The following PAGE2B variants were observed in gnomAD, a reference collection of about 807,000 sequenced individuals.
PAGE2B encodes PAGE family member 2B.
A neutral mutation model predicts 7.6 loss-of-function variants in PAGE2B; 5 were observed. The ratio of observed to expected loss-of-function variants is 0.66; its 90% CI spans 0.34 to 1.38. PAGE2B has a LOEUF of 1.38. Ranked by LOEUF, PAGE2B falls within the 40% of genes most tolerant of loss-of-function variation. The pLI is 0.04. For missense variants in PAGE2B, 70 were observed against 78.4 expected (o/e 0.89, Z 0.41); for synonymous variants, 29 against 26.7 (o/e 1.09, Z -0.27).
intron 2 of PAGE2B, 136 bp from the exon 3 acceptor site, chrX:55,076,433 T>A: frequency 1.7e-6 from 1 of 587,219 alleles, no homozygotes; most frequent in Non-Finnish European, 2.6e-6. Context: ...TGTATGTATA[T>A]ATACATATAT....
chrX:55,045,954 T>C, the PAGE2B span, among the ~76,000 whole-genome samples: 12 of 111,346 alleles, frequency 1.1e-4, no homozygotes, highest in Non-Finnish European at 1.1e-4. Flanking sequence ...AAGTCTGTCC[T>C]TGAAGGGCTC....
the PAGE2B span, among the ~76,000 whole-genome samples, chrX:55,060,808 A>AT: frequency 1.8e-5 from 2 of 108,972 alleles, no homozygotes; most frequent in Non-Finnish European, 3.8e-5. Flanking sequence ...TTTTGTGTGT[A>AT]TTTTTTTTGT....
chrX:55,047,573 G>T, the PAGE2B span, among the ~76,000 whole-genome samples: 1 of 111,636 alleles, frequency 9.0e-6, no homozygotes, highest in African/African-American at 3.3e-5. Flanking sequence ...ATCCTCTCCA[G>T]CACCTGTTGT....
At chrX:55,076,162 AATTT>A (rs1936510769) in intron 2 of PAGE2B, 37 bp downstream of exon 2, 1 of 1,173,709 alleles carries the variant, frequency 8.5e-7, no homozygotes, top group African/African-American at 1.8e-5. Context: ...CTATTAACAC[AATTT>A]ATTTTAAGAA....
At chrX:55,068,011 G>C in the PAGE2B span, among the ~76,000 whole-genome samples, 1 of 112,274 alleles carries the variant, frequency 8.9e-6, no homozygotes, top group Non-Finnish European at 1.9e-5. Flanking sequence ...TAGGTTGCCT[G>C]TTCACTCTGA....
chrX:55,067,530 T>C, the PAGE2B span, among the ~76,000 whole-genome samples: 1 of 111,706 alleles, frequency 9.0e-6, no homozygotes, highest in South Asian at 3.8e-4. Flanking sequence ...GCATGTGTCT[T>C]TATAGTAGAA....
chrX:55,051,504 A>G, the PAGE2B span, among the ~76,000 whole-genome samples: 2 of 111,162 alleles, frequency 1.8e-5, no homozygotes, highest in Non-Finnish European at 3.8e-5. Flanking sequence ...GGCTTTGTTC[A>G]TTTCTTTTTA....
In PAGE2B at chrX:55,076,142, T is replaced by C; in HGVS notation, c.84+17T>C. On this transcript the variant is annotated intron_variant, in intron 2 of 4. Transcript: ENST00000374971. The stretch of plus-strand genomic sequence containing the variant: ...TCTGTGATTGTGAGTCCTTTAACAT[T>C]TGATGTTTCCTATTAACACAATTTA... 1 of 1,192,640 alleles carries C rather than the reference T, an allele frequency of 8.4e-7. No homozygotes were observed. Among genetic ancestry groups the C allele is most frequent in the Non-Finnish European group, 1.1e-6 (1 of 879,877 alleles).
the PAGE2B span, among the ~76,000 whole-genome samples, chrX:55,056,651 G>A: frequency 1.8e-5 from 2 of 110,583 alleles, no homozygotes; most frequent in African/African-American, 3.3e-5. Flanking sequence ...GATGGGGAAG[G>A]GTTCCAGCAA....
At chrX:55,052,054 TG>T in the PAGE2B span, among the ~76,000 whole-genome samples, 1 of 112,376 alleles carries the variant, frequency 8.9e-6, no homozygotes, top group African/African-American at 3.2e-5. Flanking sequence ...GCAGGTCTTT[TG>T]GAGTTTACTG....
upstream of PAGE2B, among the ~76,000 whole-genome samples, chrX:55,073,564 C>G (rs1164685091): frequency 8.9e-6 from 1 of 112,000 alleles, no homozygotes; most frequent in African/African-American, 3.2e-5. Flanking sequence ...CTTCTAATTC[C>G]GTGAAGAATG....
At chrX:55,028,684 T>G in the PAGE2B span, among the ~76,000 whole-genome samples, 1 of 111,763 alleles carries the variant, frequency 8.9e-6, no homozygotes, top group Non-Finnish European at 1.9e-5. Flanking sequence ...CTGTTACTCC[T>G]TTCCTGAAAT....
chrX:55,029,519 T>G, the PAGE2B span, among the ~76,000 whole-genome samples: 2 of 111,732 alleles, frequency 1.8e-5, no homozygotes, highest in Non-Finnish European at 3.8e-5. Flanking sequence ...GGATCTGTGA[T>G]TCAAATATTA....
At chrX:55,028,891 G>T in the PAGE2B span, among the ~76,000 whole-genome samples, 2 of 111,366 alleles carry the variant, frequency 1.8e-5, no homozygotes, top group Non-Finnish European at 3.8e-5. Flanking sequence ...TTGAATCCTG[G>T]CTCCACCACT....
chrX:55,058,392 A>G, the PAGE2B span, among the ~76,000 whole-genome samples: 1 of 111,139 alleles, frequency 9.0e-6, no homozygotes, highest in African/African-American at 3.3e-5. Context: ...AAGCACCAAT[A>G]TTTATTGAGC....
the PAGE2B span, among the ~76,000 whole-genome samples, chrX:55,051,060 A>G: frequency 5.4e-5 from 6 of 110,904 alleles, no homozygotes; most frequent in African/African-American, 2.0e-4. Context: ...TTTCTCCTTC[A>G]CTTATGAAGC....
At chrX:55,071,750 T>C (rs371488507), upstream of PAGE2B, among the ~76,000 whole-genome samples, 138 of 112,089 alleles carry the variant, frequency 1.2e-3, 3 homozygotes, top group South Asian at 0.047. Flanking sequence ...GTTCATTTCT[T>C]TTCTCTCTTT....
At chrX:55,046,135 A>G in the PAGE2B span, among the ~76,000 whole-genome samples, 34 of 110,852 alleles carry the variant, frequency 3.1e-4, no homozygotes, top group African/African-American at 1.0e-3. Flanking sequence ...TATTTTTTAG[A>G]CAGAGTCTCA....
the PAGE2B span, among the ~76,000 whole-genome samples, chrX:55,035,134 C>T: frequency 2.7e-5 from 3 of 111,334 alleles, no homozygotes; most frequent in African/African-American, 9.8e-5. Flanking sequence ...GGGCAACACC[C>T]TCACAGACAT....
Sources: gnomAD v4.1 joint callset for allele counts (sites outside exome capture counted in the v4.1 genomes callset) on GRCh38, gnomAD v4.1.1 for gene constraint, MANE v1.5 for transcripts, NCBI Gene and HGNC (gene_info 2026-07-23, HGNC 2026-07-21) for gene names.